Variants in VPS13D observed in about 807,000 individuals in gnomAD.
The protein encoded by VPS13D is intermembrane lipid transfer protein VPS13D.
A neutral mutation model predicts 461.9 loss-of-function variants in VPS13D; 187 were observed. The ratio of observed to expected loss-of-function variants is 0.40; its 90% confidence interval spans 0.36 to 0.46. The LOEUF (loss-of-function observed/expected upper bound fraction) is 0.46. Ranked by LOEUF, VPS13D falls within the 20% of genes least tolerant of loss-of-function variation. The pLI, the probability that VPS13D is intolerant of heterozygous loss-of-function variation, is 0.60. For synonymous variants in VPS13D, 1,951 were observed against 1,986.3 expected (o/e 0.98, Z 0.47); for missense variants, 4,711 against 5,364.9 (o/e 0.88, Z 3.81).
chr1:12,504,457 C>T (rs1213662337), intron 68 of VPS13D, among the ~76,000 whole-genome samples: 1 of 152,246 alleles, frequency 6.6e-6, no homozygotes, highest in Non-Finnish European at 1.5e-5. Flanking sequence ...ACTTACAGGA[C>T]AGAGATCCGT....
rs187290936 is a variant in VPS13D at position 12,486,905 on chromosome 1, C to T, written c.12663-10595C>T. On this transcript the variant is annotated intron_variant, in intron 67 of 69. Transcript: ENST00000620676. ...ACCGTTCTGAGCGCTGAGGTGCGAC[C>T]ATGCATAGAAGAGACAAGAATCCCT... is the stretch of plus-strand genomic sequence containing the variant. Among the ~76,000 whole-genome samples, 27 of 152,242 alleles carry T rather than the reference C, an allele frequency of 1.8e-4. No homozygotes were observed. In the East Asian group the frequency reaches 5.0e-3, roughly 28 times the overall value.
intron 40 of VPS13D, 41 bp from the exon 41 acceptor site, chr1:12,341,739 G>C (rs1202540804): frequency 4.0e-5 from 63 of 1,593,448 alleles, no homozygotes; most frequent in Non-Finnish European, 5.4e-5. Flanking sequence ...CTGCCATGCA[G>C]ATAGGGGCGT....
chr1:12,238,826 G>A (rs191134805), intron 2 of VPS13D, among the ~76,000 whole-genome samples: 29 of 151,836 alleles, frequency 1.9e-4, no homozygotes, highest in African/African-American at 6.8e-4. Flanking sequence ...GTAGATACAG[G>A]GTTTCACTAT....
intron 65 of VPS13D, among the ~76,000 whole-genome samples, chr1:12,417,925 G>A (rs913825831): frequency 4.6e-5 from 7 of 151,062 alleles, no homozygotes; most frequent in East Asian, 1.9e-4. Context: ...TTTCTTTTTC[G>A]CGACAGAGTC....
intron 65 of VPS13D, among the ~76,000 whole-genome samples, chr1:12,419,308 A>G (rs547259202): frequency 6.6e-6 from 1 of 152,298 alleles, no homozygotes; most frequent in African/African-American, 2.4e-5. Context: ...CTTGCCTTTA[A>G]TAAGCTACTA....
rs749334750 is a variant in VPS13D at position 12,260,838 on chromosome 1, C to G, written c.1212+44C>G. 12 of 1,600,132 alleles carry G rather than the reference C, an allele frequency of 7.5e-6. No individual in the cohort carries two copies. In the Admixed American group the frequency reaches 1.5e-4, roughly 20 times the overall value. ...GAGGATTTGTTCAGACCCAGCACAC[C>G]CTGAGTGCTACAGTTTTGATGTGCT... On this transcript the variant is annotated intron_variant, in intron 11 of 69. Coordinates refer to ENST00000620676, the MANE Select transcript of VPS13D (RefSeq NM_015378.4).
At chr1:12,384,620 A>G (rs1484867493) in intron 58 of VPS13D, among the ~76,000 whole-genome samples, 2 of 151,952 alleles carry the variant, frequency 1.3e-5, no homozygotes, top group Non-Finnish European at 2.9e-5. Context: ...ACCACTTTTT[A>G]TTTATTTATT....
intron 55 of VPS13D, among the ~76,000 whole-genome samples, chr1:12,374,612 A>G (rs1349203902): frequency 1.3e-5 from 2 of 152,208 alleles, no homozygotes; most frequent in East Asian, 3.8e-4. Flanking sequence ...TTGAGACTAC[A>G]TAAACCTCCT....
At chr1:12,445,439 A>G (rs564138709) in intron 65 of VPS13D, among the ~76,000 whole-genome samples, 1 of 152,334 alleles carries the variant, frequency 6.6e-6, no homozygotes, top group African/African-American at 2.4e-5. Flanking sequence ...CAGACCTGAA[A>G]TCAGTTAACC....
chr1:12,324,444 C>T (rs1171963286), intron 35 of VPS13D, among the ~76,000 whole-genome samples: 2 of 152,110 alleles, frequency 1.3e-5, no homozygotes, highest in Non-Finnish European at 2.9e-5. Flanking sequence ...GCGGAGGTTG[C>T]AGTGAGCCAA....
At chr1:12,454,022 C>T (rs1026742639) in intron 65 of VPS13D, 6 of 152,180 alleles carry the variant, frequency 3.9e-5, no homozygotes, top group African/African-American at 1.4e-4. Flanking sequence ...ACAGGCTTCC[C>T]TCAAACGCTG....
Position 12,363,179 on chromosome 1 carries a change from C to A in VPS13D, c.10380C>A (p.Asp3460Glu), listed in dbSNP as rs749982105. The A allele has an allele frequency of 6.2e-7, 1 of 1,614,184 alleles. No homozygotes were observed. Among genetic ancestry groups the A allele is most frequent in the Non-Finnish European group, 8.5e-7 (1 of 1,180,036 alleles). The change falls in exon 52 of 70, where the codon GAC (aspartate) becomes GAA (glutamate). Residue 3460 changes from aspartate (D) to glutamate (E), a missense_variant. Transcript: ENST00000620676. Reference protein sequence around the residue: ...YDQLLCVRLMDVPNCIWSGGF... With the variant: ...YDQLLCVRLMEVPNCIWSGGF... ...AGCTATTGTGTGTCAGACTGATGGA[C>A]GTTCCCAATTGTATTTGGTCTGGAG...
intron 60 of VPS13D, among the ~76,000 whole-genome samples, chr1:12,399,323 A>G (rs1463640484): frequency 6.6e-6 from 1 of 150,740 alleles, no homozygotes; most frequent in Non-Finnish European, 1.5e-5. Context: ...CAGCCTCCTG[A>G]GTAGCTGGGA....
At position 12,329,934 on chromosome 1, in the gene VPS13D, A is replaced by T; in HGVS notation, c.8287+16A>T. On this transcript the variant is annotated intron_variant, in intron 37 of 69. Transcript: ENST00000620676. The stretch of plus-strand genomic sequence containing the variant: ...GCTCTTTCAGGTCAGTATAAAGCAT[A>T]TGTTATCATGGGATTTAAAAAATAA... The T allele has an allele frequency of 7.2e-7, 1 of 1,384,420 alleles. No homozygotes were observed. The highest frequency in any genetic ancestry group is 9.7e-7 in the Non-Finnish European group (1 of 1,035,420). 85.8% of individuals were successfully genotyped at this position (1,384,420 alleles called of 1,614,324 possible).
rs781715544 is a variant in VPS13D at position 12,346,619 on chromosome 1, C to T, written c.9036C>T (p.Ser3012=). The change falls in exon 44 of 70, where the codon AGC becomes AGT. Residue 3012 remains serine, a synonymous_variant. Coordinates refer to ENST00000620676, the MANE Select transcript of VPS13D (RefSeq NM_015378.4). Reference sequence around the variant, plus strand: ...ATCTTTTTCAGATTGGCAGCCCAAGCAGCAGAACAAATATTATACATCCCC... The same window carrying T: ...ATCTTTTTCAGATTGGCAGCCCAAGTAGCAGAACAAATATTATACATCCCC... ...NSSSSTIGSP[S]SRTNIIHPQV... 1 of 1,613,204 alleles carries T rather than the reference C, an allele frequency of 6.2e-7. No homozygotes were observed. The highest frequency in any genetic ancestry group is 1.1e-5 in the South Asian group (1 of 90,876).
In VPS13D at chr1:12,323,717, G is replaced by T. The variant is rs1490380204; in HGVS notation, c.7927G>T (p.Ala2643Ser). 2 of 1,613,646 alleles carry T rather than the reference G, an allele frequency of 1.2e-6. No homozygotes were observed. Among genetic ancestry groups the T allele is most frequent in the South Asian group, 1.1e-5 (1 of 91,048 alleles). ...TATTTGTTTCCTAGAGTTACAGCTG[G>T]CTAGGCTGCAGGAGCTGGGATTCAG... Reference protein sequence around the residue: ...TLDPVLELQLARLQELGFSMD... With the variant: ...TLDPVLELQLSRLQELGFSMD... The change falls in exon 35 of 70, where the codon GCT becomes TCT. Residue 2643 changes from alanine (A) to serine (S), a missense_variant. Transcript: ENST00000620676.
chr1:12,391,078 G>A (rs1644420900), intron 60 of VPS13D, among the ~76,000 whole-genome samples: 1 of 152,164 alleles, frequency 6.6e-6, no homozygotes, highest in African/African-American at 2.4e-5. Context: ...GCTCTTCCAA[G>A]TCCCTGACCA....
intron 67 of VPS13D, among the ~76,000 whole-genome samples, chr1:12,466,839 G>C (rs575581423): frequency 6.6e-6 from 1 of 152,226 alleles, no homozygotes; most frequent in Non-Finnish European, 1.5e-5. Context: ...TTACATTTCA[G>C]TGAAACTGAA....
At chr1:12,389,409 A>G (rs971041627) in intron 60 of VPS13D, among the ~76,000 whole-genome samples, 2 of 152,216 alleles carry the variant, frequency 1.3e-5, no homozygotes, top group African/African-American at 4.8e-5. Context: ...TACACCTAAC[A>G]TAATACAGCC....
Sources: gnomAD v4.1 joint callset for allele counts (sites outside exome capture counted in the v4.1 genomes callset) on GRCh38, gnomAD v4.1.1 for gene constraint, MANE v1.5 for transcripts, NCBI Gene and HGNC (gene_info 2026-07-23, HGNC 2026-07-21) for gene names.